The following GLIS3 variants were observed in gnomAD, a reference collection of about 807,000 sequenced individuals.
The protein encoded by GLIS3 is zinc finger protein GLIS3.
In GLIS3, 53 loss-of-function variants were observed where a neutral mutation model predicts 78.6. The observed-to-expected ratio is 0.67, with a 90% CI of 0.54 to 0.85. The LOEUF is 0.85. Among genes scored for constraint, GLIS3 ranks in the 40% least tolerant of loss-of-function variants. GLIS3 has a pLI of 0.00. For synonymous variants in GLIS3, 684 were observed against 509.9 expected, an observed-to-expected ratio of 1.34 and a Z score of -4.60; for missense variants, 1,703 against 1,231.1, an observed-to-expected ratio of 1.38 and a Z score of -5.74.
chr9:3,844,195 T>C (rs1818900787), intron 9 of GLIS3, among the ~76,000 whole-genome samples: 2 of 152,196 alleles, frequency 1.3e-5, no homozygotes, highest in Non-Finnish European at 2.9e-5. Context: ...ATGAAGAGAG[T>C]GGCCTCGCTA....
intron 2 of GLIS3, among the ~76,000 whole-genome samples, chr9:4,256,459 G>A (rs556542770): frequency 1.3e-5 from 2 of 152,168 alleles, no homozygotes; most frequent in Admixed American, 1.3e-4. Flanking sequence ...CTTAAATTGT[G>A]AAAGATTAAA....
At chr9:4,156,840 C>A (rs1835080382) in intron 2 of GLIS3, among the ~76,000 whole-genome samples, 1 of 152,160 alleles carries the variant, frequency 6.6e-6, no homozygotes, top group African/African-American at 2.4e-5. Flanking sequence ...AAAATGCCCT[C>A]TCCCAGCTTA....
intron 4 of GLIS3, among the ~76,000 whole-genome samples, chr9:4,096,216 A>G (rs975159566): frequency 6.6e-5 from 10 of 152,348 alleles, no homozygotes; most frequent in African/African-American, 2.4e-4. Flanking sequence ...GTGTTTCTAC[A>G]TAGTGCTAAA....
intron 4 of GLIS3, among the ~76,000 whole-genome samples, chr9:3,967,826 AG>A (rs1818072334): frequency 6.6e-6 from 1 of 152,218 alleles, no homozygotes; most frequent in African/African-American, 2.4e-5. Flanking sequence ...ACAACCGTAA[AG>A]AATGTGCAGA....
At chr9:4,372,081 G>A in the GLIS3 span, among the ~76,000 whole-genome samples, 1 of 152,202 alleles carries the variant, frequency 6.6e-6, no homozygotes, top group East Asian at 1.9e-4. Flanking sequence ...ATATGACTGA[G>A]TAACTGCTAT....
intron 7 of GLIS3, among the ~76,000 whole-genome samples, chr9:3,892,887 C>A (rs1822555345): frequency 6.6e-6 from 1 of 152,148 alleles, no homozygotes; most frequent in South Asian, 2.1e-4. Flanking sequence ...TTCAGGTACA[C>A]CTCAGAGTAT....
chr9:4,123,656 A>C, intron 3 of GLIS3: 1 of 388,570 alleles, frequency 2.6e-6, no homozygotes, highest in African/African-American at 2.1e-5. Flanking sequence ...TATTAACTGG[A>C]AAAAAGTAAT....
At chr9:3,891,563 G>A (rs1271790368) in intron 7 of GLIS3, among the ~76,000 whole-genome samples, 1 of 152,146 alleles carries the variant, frequency 6.6e-6, no homozygotes, top group East Asian at 1.9e-4. Flanking sequence ...TTAGCCAGGT[G>A]TGGTGGCACA....
chr9:4,013,304 C>A (rs1328019224), intron 4 of GLIS3, among the ~76,000 whole-genome samples: 2 of 152,244 alleles, frequency 1.3e-5, no homozygotes, highest in African/African-American at 4.8e-5. Context: ...TTAAATACTG[C>A]TTCCATAGCA....
the GLIS3 span, among the ~76,000 whole-genome samples, chr9:4,383,558 A>G: frequency 3.3e-5 from 5 of 152,198 alleles, no homozygotes; most frequent in Admixed American, 1.3e-4. Flanking sequence ...AGCAGTTTCT[A>G]TACAAGCTCA....
chr9:4,251,097 A>G (rs1427745520), intron 2 of GLIS3, among the ~76,000 whole-genome samples: 1 of 152,198 alleles, frequency 6.6e-6, no homozygotes, highest in African/African-American at 2.4e-5. Flanking sequence ...TTTGAGGTGG[A>G]GAGTTCTGTA....
At chr9:4,299,029 C>G (rs556065242) in intron 1 of GLIS3, among the ~76,000 whole-genome samples, 5 of 152,166 alleles carry the variant, frequency 3.3e-5, no homozygotes, top group Non-Finnish European at 7.3e-5. Context: ...GTGGTGCGCC[C>G]CATGCCCGTG....
intron 2 of GLIS3, among the ~76,000 whole-genome samples, chr9:4,174,539 A>C (rs1338912513): frequency 6.6e-6 from 1 of 152,264 alleles, no homozygotes; most frequent in Non-Finnish European, 1.5e-5. Context: ...GATTTGGATT[A>C]TGCAAAAAAT....
intron 2 of GLIS3, among the ~76,000 whole-genome samples, chr9:4,247,129 C>G (rs1054112163): frequency 1.3e-5 from 2 of 152,118 alleles, no homozygotes; most frequent in South Asian, 4.1e-4. Flanking sequence ...ACCAAAAGCG[C>G]GATAAAAGCA....
chr9:4,481,499 A>C, the GLIS3 span, among the ~76,000 whole-genome samples: 17 of 141,762 alleles, frequency 1.2e-4, no homozygotes, highest in African/African-American at 4.6e-4. Context: ...TAATTAATTA[A>C]TTAATTAAAA....
the GLIS3 span, among the ~76,000 whole-genome samples, chr9:4,448,916 G>T: frequency 3.3e-5 from 5 of 152,226 alleles, no homozygotes; most frequent in Non-Finnish European, 4.4e-5. Context: ...GCAGAAGACA[G>T]TGATTTCTGC....
chr9:4,346,243 C>T (rs1817895866), intron 2 of GLIS3, among the ~76,000 whole-genome samples: 1 of 152,136 alleles, frequency 6.6e-6, no homozygotes, highest in Admixed American at 6.5e-5. Flanking sequence ...ATAAATGATA[C>T]ATAAAGGGAG....
chr9:4,111,186 A>G (rs1240209784), intron 4 of GLIS3, among the ~76,000 whole-genome samples: 1 of 152,202 alleles, frequency 6.6e-6, no homozygotes, highest in Non-Finnish European at 1.5e-5. Context: ...TTTTAAAGAC[A>G]TTATTTCAAG....
chr9:4,025,828 T>C (rs73641253), intron 4 of GLIS3, among the ~76,000 whole-genome samples: 3,053 of 152,266 alleles, frequency 0.02, 91 homozygotes, highest in African/African-American at 0.07. Flanking sequence ...GTAAGAAATA[T>C]ACTAACAGTA....
Sources: allele counts gnomAD v4.1 joint callset (sites outside exome capture counted in the v4.1 genomes callset), GRCh38; gene constraint gnomAD v4.1.1; transcripts MANE v1.5; gene names NCBI Gene and HGNC (gene_info 2026-07-23, HGNC 2026-07-21).